The following GALNT13 variants were observed in gnomAD, a reference collection of about 807,000 sequenced individuals.
The protein encoded by GALNT13 is polypeptide N-acetylgalactosaminyltransferase 13.
In GALNT13, 28 loss-of-function variants were observed where a neutral mutation model predicts 64.2. The ratio of observed to expected loss-of-function variants is 0.44; its 90% CI spans 0.32 to 0.60. The LOEUF is 0.60. Ranked by LOEUF, GALNT13 falls within the 20% of genes least tolerant of loss-of-function variation. The pLI is 0.05. For missense variants in GALNT13, 577 were observed against 669.8 expected (o/e 0.86, Z 1.53); for synonymous variants, 214 against 224.6 (o/e 0.95, Z 0.42).
At chr2:153,350,236 A>G in the GALNT13 span, among the ~76,000 whole-genome samples, 2 of 152,190 alleles carry the variant, frequency 1.3e-5, no homozygotes, top group Non-Finnish European at 2.9e-5. Flanking sequence ...GAAGATACGT[A>G]AAATCAGTGT....
At chr2:153,261,510 C>T in the GALNT13 span, among the ~76,000 whole-genome samples, 1 of 152,118 alleles carries the variant, frequency 6.6e-6, no homozygotes, top group East Asian at 1.9e-4. Context: ...TTGTTTTCTT[C>T]CCTTACTTTC....
chr2:153,220,801 A>G, the GALNT13 span, among the ~76,000 whole-genome samples: 1 of 152,242 alleles, frequency 6.6e-6, no homozygotes, highest in Non-Finnish European at 1.5e-5. Flanking sequence ...AAAAGAGAAA[A>G]AATAATAAAT....
chr2:153,486,412 AC>A, the GALNT13 span, among the ~76,000 whole-genome samples: 52 of 151,828 alleles, frequency 3.4e-4, no homozygotes, highest in Non-Finnish European at 3.8e-4. Context: ...TAAAAATTAA[AC>A]CTCTTCGTCT....
At chr2:154,220,279 A>G (rs1422564905) in intron 4 of GALNT13, among the ~76,000 whole-genome samples, 1 of 152,122 alleles carries the variant, frequency 6.6e-6, no homozygotes, top group African/African-American at 2.4e-5. Context: ...GTGTAGTAAA[A>G]GAAAAGCTTA....
intron 3 of GALNT13, among the ~76,000 whole-genome samples, chr2:154,110,727 G>A (rs1702939283): frequency 6.6e-6 from 1 of 151,976 alleles, no homozygotes; most frequent in Admixed American, 6.6e-5. Context: ...CAACCTCACA[G>A]ACACACCCAG....
intron 9 of GALNT13, among the ~76,000 whole-genome samples, chr2:154,355,432 C>A (rs1167582986): frequency 2.0e-5 from 3 of 152,054 alleles, no homozygotes; most frequent in Non-Finnish European, 4.4e-5. Context: ...AGTTTTAGTT[C>A]ACGAAGCGCA....
chr2:154,149,580 C>G (rs1009504629), intron 4 of GALNT13, among the ~76,000 whole-genome samples: 26 of 151,972 alleles, frequency 1.7e-4, no homozygotes, highest in African/African-American at 3.6e-4. Context: ...TCTTCCATTT[C>G]TTTGTATCCT....
intron 11 of GALNT13, among the ~76,000 whole-genome samples, chr2:154,422,423 G>A (rs563567801): frequency 6.6e-6 from 1 of 152,062 alleles, no homozygotes; most frequent in African/African-American, 2.4e-5. Context: ...TACAAAGCAT[G>A]AAGCTACATG....
At chr2:154,210,912 C>CA (rs1687722575) in intron 4 of GALNT13, among the ~76,000 whole-genome samples, 1 of 152,062 alleles carries the variant, frequency 6.6e-6, no homozygotes, top group Admixed American at 6.6e-5. Context: ...AGAAATGACT[C>CA]TTAGGTGTCT....
the GALNT13 span, among the ~76,000 whole-genome samples, chr2:153,433,123 TG>T: frequency 6.6e-6 from 1 of 152,078 alleles, no homozygotes; most frequent in Non-Finnish European, 1.5e-5. Flanking sequence ...AGAGAAATTT[TG>T]TGTGAGAGTA....
chr2:153,802,012 G>T, the GALNT13 span, among the ~76,000 whole-genome samples: 1 of 152,104 alleles, frequency 6.6e-6, no homozygotes, highest in South Asian at 2.1e-4. Context: ...TGGCTGAGCA[G>T]AATGTTCATG....
At chr2:153,815,614 G>A in the GALNT13 span, among the ~76,000 whole-genome samples, 2 of 152,126 alleles carry the variant, frequency 1.3e-5, no homozygotes, top group African/African-American at 2.4e-5. Flanking sequence ...TTCATAACAC[G>A]GGAGGGGAGG....
intron 9 of GALNT13, among the ~76,000 whole-genome samples, chr2:154,331,796 T>A (rs1695182562): frequency 6.6e-6 from 1 of 152,102 alleles, no homozygotes; most frequent in South Asian, 2.1e-4. Flanking sequence ...TAAACTTTTT[T>A]TTTTCTTCAC....
the GALNT13 span, among the ~76,000 whole-genome samples, chr2:153,504,745 T>C: frequency 6.6e-6 from 1 of 152,196 alleles, no homozygotes; most frequent in South Asian, 2.1e-4. Flanking sequence ...CACTTGATAA[T>C]GATGGATTCT....
At chr2:154,125,761 G>T (rs1682224842) in intron 3 of GALNT13, among the ~76,000 whole-genome samples, 1 of 152,066 alleles carries the variant, frequency 6.6e-6, no homozygotes, top group Non-Finnish European at 1.5e-5. Context: ...TTTGTAATGT[G>T]AATCACTAAA....
chr2:153,438,320 C>T, the GALNT13 span, among the ~76,000 whole-genome samples: 1 of 152,046 alleles, frequency 6.6e-6, no homozygotes, highest in Non-Finnish European at 1.5e-5. Flanking sequence ...TTGCTCTTCT[C>T]GAGGATTATC....
chr2:154,015,849 TA>T (rs1466529084), intron 3 of GALNT13, among the ~76,000 whole-genome samples: 1 of 152,210 alleles, frequency 6.6e-6, no homozygotes, highest in Non-Finnish European at 1.5e-5. Flanking sequence ...CTTTAAATTT[TA>T]AAATTATATT....
At chr2:154,322,721 T>C (rs1211533742) in intron 9 of GALNT13, among the ~76,000 whole-genome samples, 1 of 152,080 alleles carries the variant, frequency 6.6e-6, no homozygotes, top group Admixed American at 6.6e-5. Context: ...ACCCCAAAAC[T>C]TAGTGGCTTA....
At chr2:154,107,487 G>A (rs1702686052) in intron 3 of GALNT13, among the ~76,000 whole-genome samples, 1 of 151,476 alleles carries the variant, frequency 6.6e-6, no homozygotes, top group African/African-American at 2.4e-5. Flanking sequence ...CTACTTGGGA[G>A]GCTGAGGCAA....
Sources: gnomAD v4.1 joint callset for allele counts (sites outside exome capture counted in the v4.1 genomes callset) on GRCh38, gnomAD v4.1.1 for gene constraint, MANE v1.5 for transcripts, NCBI Gene and HGNC (gene_info 2026-07-23, HGNC 2026-07-21) for gene names.